KIF26B: variants seen among roughly 807,000 people sequenced by gnomAD.
The protein encoded by KIF26B is kinesin family member 26B.
Under a neutral mutation model 151.2 loss-of-function variants are expected in KIF26B, and 63 were observed. That is an observed-to-expected ratio of 0.42 (90% CI 0.34 to 0.51). The LOEUF (loss-of-function observed/expected upper bound fraction) is 0.51. Ranked by LOEUF, KIF26B falls within the 20% of genes least tolerant of loss-of-function variation. The pLI is 0.07. For missense variants in KIF26B, 2,813 were observed against 2,913.6 expected (o/e 0.97, Z 0.79); for synonymous variants, 1,357 against 1,262.1 (o/e 1.08, Z -1.59).
intron 2 of KIF26B, among the ~76,000 whole-genome samples, chr1:245,301,704 A>G (rs1365310775): frequency 6.6e-6 from 1 of 152,214 alleles, no homozygotes; most frequent in Non-Finnish European, 1.5e-5. Flanking sequence ...TATTGCTGTT[A>G]TCATTTCAAA....
At chr1:245,472,840 C>T (rs1282141014) in intron 4 of KIF26B, among the ~76,000 whole-genome samples, 1 of 152,208 alleles carries the variant, frequency 6.6e-6, no homozygotes, top group Non-Finnish European at 1.5e-5. Context: ...CAATGTGCTA[C>T]TGAAATGATC....
At position 245,368,741 on chromosome 1, in the gene KIF26B, T is replaced by G. The variant is rs543217964; in HGVS notation, c.999+1374T>G. Among the ~76,000 whole-genome samples, 8 of 152,094 alleles carry G rather than the reference T, an allele frequency of 5.3e-5. No homozygotes were observed. The East Asian group carries it at 1.5e-3, about 29-fold the overall frequency. On this transcript the variant is annotated intron_variant, in intron 3 of 14. Transcript: ENST00000407071. ...AGACCTTCTGTAACCAGCCAGGAAA[T>G]GAGGGAAGATAGAGTGTGTGGAGGA...
At position 245,225,576 on chromosome 1, in the gene KIF26B, GGCT is replaced by G. The variant is rs1451368854; in HGVS notation, c.465+68894_465+68896del. Among the ~76,000 whole-genome samples, 7 of 152,252 alleles carry G rather than the reference GGCT, an allele frequency of 4.6e-5. No homozygotes were observed. The East Asian group carries it at 1.4e-3, about 29-fold the overall frequency. ...GGAGTCAGTGACTCCTTTTCTGTGG[GGCT>G]ACCCTCACCCATCCACATTTCTGGC... On this transcript the variant is annotated intron_variant, in intron 2 of 14. Transcript: ENST00000407071.
intron 4 of KIF26B, among the ~76,000 whole-genome samples, chr1:245,514,115 G>A (rs1660897966): frequency 6.6e-6 from 1 of 152,120 alleles, no homozygotes; most frequent in South Asian, 2.1e-4. Flanking sequence ...CCATAAAAAA[G>A]TATGTAAGAT....
At chr1:245,251,446 T>G (rs1670444059) in intron 2 of KIF26B, among the ~76,000 whole-genome samples, 1 of 152,190 alleles carries the variant, frequency 6.6e-6, no homozygotes, top group Non-Finnish European at 1.5e-5. Context: ...AGCAGTAATA[T>G]CTGTCTTTTT....
chr1:245,184,055 T>TTGTTTTTTTTTTTTTTTTTTTTTG (rs1668959139), intron 2 of KIF26B, among the ~76,000 whole-genome samples: 1 of 112,538 alleles, frequency 8.9e-6, no homozygotes, highest in Non-Finnish European at 1.9e-5. Context: ...TTGTTGTTTT[T>TTGTTTTTTTTTTTTTTTTTTTTTG]TTTTTTTTTT....
intron 2 of KIF26B, among the ~76,000 whole-genome samples, chr1:245,353,300 A>T (rs1672611103): frequency 6.6e-6 from 1 of 152,200 alleles, no homozygotes; most frequent in Non-Finnish European, 1.5e-5. Context: ...GTGTGGGAAC[A>T]TCTAGAAGGT....
chr1:245,216,130 C>G (rs1343876614), intron 2 of KIF26B: 7 of 151,666 alleles, frequency 4.6e-5, no homozygotes, highest in African/African-American at 1.7e-4. Context: ...CATAGTTGTG[C>G]ATATTACCTG....
Position 245,580,686 on chromosome 1 carries a change from C to T in KIF26B, c.1351-21891C>T, listed in dbSNP as rs551855042. Among the ~76,000 whole-genome samples, 27 of 152,264 alleles carry T rather than the reference C, an allele frequency of 1.8e-4. 1 individual carries two copies. The highest frequency in any genetic ancestry group is 2.9e-4 in the Non-Finnish European group (20 of 68,008). On this transcript the variant is annotated intron_variant, in intron 5 of 14. Transcript: ENST00000407071. ...GGGTGGAGACTGAGTCTGGAGGGCA[C>T]GGAGGAAAATTGGCTCAGCATGGAT...
At chr1:245,637,952 T>C (rs1215509609) in intron 9 of KIF26B, among the ~76,000 whole-genome samples, 3 of 152,008 alleles carry the variant, frequency 2.0e-5, no homozygotes, top group Non-Finnish European at 4.4e-5. Flanking sequence ...TCCAGCCTGG[T>C]TATTTTTGGT....
intron 4 of KIF26B, among the ~76,000 whole-genome samples, chr1:245,514,867 A>G (rs1204468281): frequency 6.6e-6 from 1 of 152,230 alleles, no homozygotes; most frequent in Non-Finnish European, 1.5e-5. Context: ...CGAGAATTAA[A>G]TGAGATAATG....
intron 5 of KIF26B, among the ~76,000 whole-genome samples, chr1:245,555,181 T>C (rs556071643): frequency 5.9e-5 from 9 of 152,246 alleles, no homozygotes; most frequent in African/African-American, 2.2e-4. Flanking sequence ...GCGAGATTCT[T>C]GGATAATGTG....
intron 2 of KIF26B, among the ~76,000 whole-genome samples, chr1:245,305,561 C>T (rs993049471): frequency 6.6e-6 from 1 of 152,116 alleles, no homozygotes; most frequent in Admixed American, 6.5e-5. Context: ...CATTTATACT[C>T]GCATGGCTAG....
At chr1:245,246,970 G>GAC (rs953063799) in intron 2 of KIF26B, among the ~76,000 whole-genome samples, 25 of 146,866 alleles carry the variant, frequency 1.7e-4, no homozygotes, top group South Asian at 4.4e-4. Context: ...CACAGACACA[G>GAC]ACACACACAC....
At chr1:245,591,099 A>G (rs1430862772) in intron 5 of KIF26B, among the ~76,000 whole-genome samples, 5 of 152,064 alleles carry the variant, frequency 3.3e-5, no homozygotes, top group Non-Finnish European at 7.4e-5. Flanking sequence ...ACATGGGTTC[A>G]ATATGTTGGC....
chr1:245,633,560 G>A (rs1269793745), intron 9 of KIF26B, among the ~76,000 whole-genome samples: 2 of 151,730 alleles, frequency 1.3e-5, no homozygotes, highest in African/African-American at 2.4e-5. Context: ...GTATTCTCAC[G>A]GTGGTAGTTA....
At chr1:245,594,899 T>C (rs1033668850) in intron 5 of KIF26B, among the ~76,000 whole-genome samples, 1 of 152,304 alleles carries the variant, frequency 6.6e-6, no homozygotes, top group Middle Eastern at 3.4e-3. Context: ...TTGTAAGTTG[T>C]ATTCCTAGGT....
chr1:245,395,279 T>A (rs1431278075), intron 3 of KIF26B, among the ~76,000 whole-genome samples: 1 of 152,150 alleles, frequency 6.6e-6, no homozygotes, highest in Non-Finnish European at 1.5e-5. Context: ...TACTTAGGAG[T>A]AGGTTGGCTC....
At chr1:245,546,889 G>A (rs1337917061) in intron 5 of KIF26B, among the ~76,000 whole-genome samples, 1 of 152,228 alleles carries the variant, frequency 6.6e-6, no homozygotes, top group African/African-American at 2.4e-5. Context: ...GTAGAGTTGG[G>A]GGTGGTGGTT....
Sources: allele counts gnomAD v4.1 joint callset (sites outside exome capture counted in the v4.1 genomes callset), GRCh38; gene constraint gnomAD v4.1.1; transcripts MANE v1.5; gene names NCBI Gene and HGNC (gene_info 2026-07-23, HGNC 2026-07-21).